The following PTPRM variants were observed in gnomAD, a reference collection of about 807,000 sequenced individuals.
PTPRM encodes receptor-type tyrosine-protein phosphatase mu.
PTPRM carries 47 observed loss-of-function variants against 186.7 expected under a neutral mutation model. The observed-to-expected ratio is 0.25, with a 90% CI of 0.20 to 0.32. The LOEUF (loss-of-function observed/expected upper bound fraction) is 0.32. Among genes scored for constraint, PTPRM ranks in the 10% least tolerant of loss-of-function variants. The pLI is 1.00. For synonymous variants in PTPRM, 668 were observed against 674.9 expected (o/e 0.99, Z 0.16); for missense variants, 1,494 against 1,865.0 (o/e 0.80, Z 3.66).
rs73379914 is a variant in PTPRM at position 7,875,308 on chromosome 18, A to G, written c.197-12798A>G. ...AGGATACTATGCGTATCAGTGAAACATTCTTGGTAACGTGCACCATTTTTT... is the reference window on the plus strand; with the variant it reads ...AGGATACTATGCGTATCAGTGAAACGTTCTTGGTAACGTGCACCATTTTTT... On this transcript the variant is annotated intron_variant, in intron 2 of 32. Coordinates refer to ENST00000580170, the MANE Select transcript of PTPRM (RefSeq NM_001105244.2). Among the ~76,000 whole-genome samples, 853 of 151,824 alleles carry G rather than the reference A, an allele frequency of 5.6e-3. 8 individuals carry two copies. Among genetic ancestry groups the G allele is most frequent in the African/African-American group, 0.019 (804 of 41,366 alleles).
At chr18:8,404,846 G>C (rs1426445083) in intron 32 of PTPRM, 1 of 152,174 alleles carries the variant, frequency 6.6e-6, no homozygotes, top group Non-Finnish European at 1.5e-5. Flanking sequence ...CCCTCTTCTG[G>C]GTTCAGAGAC....
At chr18:8,004,415 A>G (rs930417042) in intron 7 of PTPRM, among the ~76,000 whole-genome samples, 3 of 151,966 alleles carry the variant, frequency 2.0e-5, no homozygotes, top group Non-Finnish European at 4.4e-5. Context: ...AACATTTGGC[A>G]TGAGTTCTCA....
chr18:7,751,826 C>T (rs1242953276), intron 1 of PTPRM, among the ~76,000 whole-genome samples: 2 of 151,522 alleles, frequency 1.3e-5, no homozygotes, highest in Non-Finnish European at 2.9e-5. Context: ...ATGATTCTTC[C>T]TCTGTGAAAA....
intron 2 of PTPRM, among the ~76,000 whole-genome samples, chr18:7,804,850 A>G (rs2044155941): frequency 1.3e-5 from 2 of 152,312 alleles, no homozygotes; most frequent in South Asian, 4.1e-4. Context: ...CCATCACATT[A>G]TCTTCATTAA....
intron 4 of PTPRM, among the ~76,000 whole-genome samples, chr18:7,909,568 G>A (rs1213128009): frequency 1.3e-5 from 2 of 152,162 alleles, no homozygotes; most frequent in African/African-American, 4.8e-5. Context: ...TATTTTATGA[G>A]CTTTCTTATC....
At chr18:7,996,191 A>AT (rs1037939181) in intron 7 of PTPRM, among the ~76,000 whole-genome samples, 7 of 151,930 alleles carry the variant, frequency 4.6e-5, no homozygotes, top group African/African-American at 1.7e-4. Context: ...CTTAAAAAAA[A>AT]AAATAAATAA....
At chr18:7,679,269 C>T (rs2039423293) in intron 1 of PTPRM, among the ~76,000 whole-genome samples, 1 of 152,180 alleles carries the variant, frequency 6.6e-6, no homozygotes, top group South Asian at 2.1e-4. Flanking sequence ...ACACATCTTC[C>T]TGTGTTTTAT....
At chr18:8,316,477 GACTGGATT>G (rs1212580256) in intron 21 of PTPRM, among the ~76,000 whole-genome samples, 1 of 152,178 alleles carries the variant, frequency 6.6e-6, no homozygotes, top group East Asian at 1.9e-4. Flanking sequence ...GTAATGAAAA[GACTGGATT>G]ACTGAGTTTG....
intron 2 of PTPRM, among the ~76,000 whole-genome samples, chr18:7,804,408 A>G (rs1052344052): frequency 6.6e-6 from 1 of 152,074 alleles, no homozygotes; most frequent in Non-Finnish European, 1.5e-5. Context: ...TATTCAGGCA[A>G]CTCCGAAAGC....
rs1443101791 is a variant in PTPRM, at chr18:8,126,022, TATA to T, written c.2167+11196_2167+11198del. Reference sequence around the variant, plus strand: ...ATATATATATATATATATATATATATATATATTTTAAATCAGTAGACCTTTCCA... The same window carrying T: ...ATATATATATATATATATATATATATTATTTTAAATCAGTAGACCTTTCCA... On this transcript the variant is annotated intron_variant, in intron 13 of 32. Coordinates refer to ENST00000580170, the MANE Select transcript of PTPRM (RefSeq NM_001105244.2). 2.7e-3 allele frequency among the ~76,000 whole-genome samples: 104 copies of T among 38,044 alleles called. 7 individuals carry two copies. The highest frequency in any genetic ancestry group is 0.01 in the Middle Eastern group (1 of 98). 25.0% of individuals were successfully genotyped at this position (38,044 alleles called of 152,430 possible).
At chr18:7,611,864 C>G (rs2037683510) in intron 1 of PTPRM, among the ~76,000 whole-genome samples, 1 of 152,160 alleles carries the variant, frequency 6.6e-6, no homozygotes, top group Admixed American at 6.5e-5. Context: ...AACTATAAGT[C>G]CATTAAACCC....
At chr18:7,881,585 C>G (rs138611787) in intron 2 of PTPRM, among the ~76,000 whole-genome samples, 123 of 152,284 alleles carry the variant, frequency 8.1e-4, no homozygotes, top group African/African-American at 2.8e-3. Flanking sequence ...TTTCACTTGT[C>G]CTCTAGTGGG....
At chr18:8,041,448 T>A (rs1256078251) in intron 7 of PTPRM, among the ~76,000 whole-genome samples, 1 of 144,006 alleles carries the variant, frequency 6.9e-6, no homozygotes, top group Admixed American at 7.1e-5. Context: ...TGCACTGAGA[T>A]GCACCATGTG....
At chr18:8,353,069 C>T (rs1453525358) in intron 23 of PTPRM, among the ~76,000 whole-genome samples, 2 of 152,110 alleles carry the variant, frequency 1.3e-5, no homozygotes, top group South Asian at 2.1e-4. Flanking sequence ...CATGTCTTTG[C>T]TGAGGAAGCA....
At chr18:7,661,571 A>G (rs767249459) in intron 1 of PTPRM, among the ~76,000 whole-genome samples, 1 of 152,234 alleles carries the variant, frequency 6.6e-6, no homozygotes, top group Non-Finnish European at 1.5e-5. Flanking sequence ...CCAAGTCAGA[A>G]GAATGTCTTT....
chr18:8,367,744 A>T (rs1358101401), intron 23 of PTPRM, among the ~76,000 whole-genome samples: 1 of 152,234 alleles, frequency 6.6e-6, no homozygotes, highest in African/African-American at 2.4e-5. Context: ...AATCCCAAAG[A>T]AACCGAGCTT....
chr18:7,653,175 C>A (rs1156662961), intron 1 of PTPRM, among the ~76,000 whole-genome samples: 1 of 150,896 alleles, frequency 6.6e-6, no homozygotes, highest in Admixed American at 6.6e-5. Flanking sequence ...AAGACAGGGT[C>A]TCACTCTGTT....
intron 1 of PTPRM, among the ~76,000 whole-genome samples, chr18:7,581,093 T>A (rs2036833592): frequency 6.6e-6 from 1 of 152,202 alleles, no homozygotes; most frequent in South Asian, 2.1e-4. Flanking sequence ...TTCAAATGCA[T>A]GTTTTGTAGT....
At chr18:8,140,620 T>G (rs922256944) in intron 13 of PTPRM, among the ~76,000 whole-genome samples, 2 of 152,054 alleles carry the variant, frequency 1.3e-5, no homozygotes, top group Non-Finnish European at 2.9e-5. Flanking sequence ...TCTATGATTT[T>G]AGCAGTCTCT....
Sources: gnomAD v4.1 joint callset for allele counts (sites outside exome capture counted in the v4.1 genomes callset) on GRCh38, gnomAD v4.1.1 for gene constraint, MANE v1.5 for transcripts, NCBI Gene and HGNC (gene_info 2026-07-23, HGNC 2026-07-21) for gene names.